NLGN1: variants seen among roughly 807,000 people sequenced by gnomAD.
The protein encoded by NLGN1 is neuroligin 1, also known as neuroligin-1.
A neutral mutation model predicts 65.5 loss-of-function variants in NLGN1; 12 were observed. That is an observed-to-expected ratio of 0.18 (90% CI 0.12 to 0.30). The LOEUF is 0.30. Ranked by LOEUF, NLGN1 falls within the 10% of genes least tolerant of loss-of-function variation. NLGN1 has a pLI of 1.00. For synonymous variants in NLGN1, 350 were observed against 359.5 expected (o/e 0.97, Z 0.30); for missense variants, 750 against 1,007.1 (o/e 0.74, Z 3.46).
intron 1 of NLGN1, among the ~76,000 whole-genome samples, chr3:173,423,986 AG>A (rs1190412057): frequency 6.6e-6 from 1 of 152,190 alleles, no homozygotes. Flanking sequence ...TCTGAAATCT[AG>A]GCAGAGGCTC....
chr3:173,469,996 A>G (rs1471242143), intron 2 of NLGN1, among the ~76,000 whole-genome samples: 1 of 151,200 alleles, frequency 6.6e-6, no homozygotes, highest in Non-Finnish European at 1.5e-5. Context: ...TTATATATAT[A>G]TGTATAATTA....
At chr3:173,866,820 C>A (rs1386711377) in intron 4 of NLGN1, among the ~76,000 whole-genome samples, 2 of 152,040 alleles carry the variant, frequency 1.3e-5, no homozygotes, top group African/African-American at 4.8e-5. Flanking sequence ...TTATACAGCA[C>A]CCTTTTGGGA....
intron 4 of NLGN1, among the ~76,000 whole-genome samples, chr3:173,944,237 A>G (rs1006902417): frequency 6.6e-6 from 1 of 151,748 alleles, no homozygotes; most frequent in African/African-American, 2.4e-5. Flanking sequence ...TTTATAATAT[A>G]AGGTGTACTC....
At chr3:173,702,414 C>T (rs1056437732) in intron 3 of NLGN1, among the ~76,000 whole-genome samples, 1 of 152,140 alleles carries the variant, frequency 6.6e-6, no homozygotes, top group Non-Finnish European at 1.5e-5. Flanking sequence ...GGCCCTTGCT[C>T]ATGGTGCCTG....
intron 4 of NLGN1, among the ~76,000 whole-genome samples, chr3:173,987,802 T>G (rs1720266191): frequency 6.6e-6 from 1 of 152,196 alleles, no homozygotes; most frequent in South Asian, 2.1e-4. Context: ...ATGACTTAAT[T>G]CTTTTTGGCA....
At chr3:173,627,801 T>C (rs888437623) in intron 3 of NLGN1, among the ~76,000 whole-genome samples, 1 of 152,102 alleles carries the variant, frequency 6.6e-6, no homozygotes, top group African/African-American at 2.4e-5. Flanking sequence ...CTTTAAGTTA[T>C]TCAAGCAGCT....
At chr3:174,271,503 G>A (rs963728292) in intron 4 of NLGN1, among the ~76,000 whole-genome samples, 4 of 151,712 alleles carry the variant, frequency 2.6e-5, no homozygotes, top group Non-Finnish European at 5.9e-5. Flanking sequence ...CCCATACCTT[G>A]ATCACAGTAA....
intron 4 of NLGN1, among the ~76,000 whole-genome samples, chr3:174,123,401 TTTG>T (rs142644888): frequency 0.11 from 16,995 of 152,044 alleles, 991 homozygotes; most frequent in East Asian, 0.16. Context: ...AGAGGCTGTT[TTTG>T]TTGTTGTTTT....
At chr3:174,103,261 G>A (rs1712960951) in intron 4 of NLGN1, among the ~76,000 whole-genome samples, 1 of 152,122 alleles carries the variant, frequency 6.6e-6, no homozygotes, top group African/African-American at 2.4e-5. Flanking sequence ...TTAGAGATAA[G>A]CAGTTTCCTT....
intron 4 of NLGN1, among the ~76,000 whole-genome samples, chr3:174,164,030 A>G (rs1467353129): frequency 2.0e-5 from 3 of 152,128 alleles, no homozygotes; most frequent in Admixed American, 6.6e-5. Context: ...CAGTAGCTGA[A>G]CTAATTTACA....
rs553260563 is a variant in NLGN1 at position 173,493,510 on chromosome 3, T to G, written c.-321+58432T>G. 1.2e-4 allele frequency among the ~76,000 whole-genome samples: 18 copies of G among 152,062 alleles called. No individual in the cohort carries two copies. The South Asian group carries it at 3.5e-3, about 30-fold the overall frequency. On this transcript the variant is annotated intron_variant, in intron 2 of 6. Coordinates refer to ENST00000457714, the Ensembl canonical transcript of NLGN1. ...TGGGTGATGTATGTTAGTTAATATATGTATTTAATAATACTATAATAGCTA... is the reference window on the plus strand; with the variant it reads ...TGGGTGATGTATGTTAGTTAATATAGGTATTTAATAATACTATAATAGCTA...
At chr3:174,260,129 A>G (rs920367296) in intron 4 of NLGN1, among the ~76,000 whole-genome samples, 2 of 151,192 alleles carry the variant, frequency 1.3e-5, no homozygotes, top group African/African-American at 2.4e-5. Flanking sequence ...ATTGTGAATA[A>G]TGCCGCAATA....
intron 4 of NLGN1, among the ~76,000 whole-genome samples, chr3:173,987,951 C>T (rs1720302162): frequency 6.6e-6 from 1 of 152,088 alleles, no homozygotes; most frequent in African/African-American, 2.4e-5. Context: ...AGTGTATTCT[C>T]ATTTTATTAA....
At chr3:173,499,151 T>A (rs1025621701) in intron 2 of NLGN1, among the ~76,000 whole-genome samples, 5 of 151,652 alleles carry the variant, frequency 3.3e-5, no homozygotes, top group Admixed American at 2.0e-4. Flanking sequence ...CTGAATGGTA[T>A]TGCCTAGGTT....
chr3:173,536,623 T>G (rs1410495505), intron 2 of NLGN1, among the ~76,000 whole-genome samples: 3 of 152,178 alleles, frequency 2.0e-5, no homozygotes, highest in African/African-American at 7.2e-5. Context: ...AATTCCTACT[T>G]TATCTTAATG....
chr3:173,648,695 T>C (rs1479484163), intron 3 of NLGN1, among the ~76,000 whole-genome samples: 1 of 152,002 alleles, frequency 6.6e-6, no homozygotes, highest in Non-Finnish European at 1.5e-5. Context: ...GTGTCTCACC[T>C]TCCTGAGTAG....
At chr3:173,676,474 A>G (rs1007031637) in intron 3 of NLGN1, among the ~76,000 whole-genome samples, 2 of 152,174 alleles carry the variant, frequency 1.3e-5, no homozygotes, top group Non-Finnish European at 2.9e-5. Context: ...TATAAAGAAT[A>G]TACATGCTAT....
At chr3:173,508,775 C>G (rs1483222848) in intron 2 of NLGN1, among the ~76,000 whole-genome samples, 1 of 152,108 alleles carries the variant, frequency 6.6e-6, no homozygotes, top group Non-Finnish European at 1.5e-5. Context: ...ATACAGTTCT[C>G]CAGTCTTATC....
chr3:173,498,676 T>TA (rs1168587713), intron 2 of NLGN1, among the ~76,000 whole-genome samples: 1 of 151,866 alleles, frequency 6.6e-6, no homozygotes, highest in African/African-American at 2.4e-5. Context: ...ACCAATAGTG[T>TA]AAAAGTGTTC....
Sources: gnomAD v4.1 joint callset for allele counts (sites outside exome capture counted in the v4.1 genomes callset) on GRCh38, gnomAD v4.1.1 for gene constraint, MANE v1.5 for transcripts, NCBI Gene and HGNC (gene_info 2026-07-23, HGNC 2026-07-21) for gene names.